DCAF6: variants seen among roughly 807,000 people sequenced by gnomAD.
The protein encoded by DCAF6 is DDB1 and CUL4 associated factor 6.
In DCAF6, 54 loss-of-function variants were observed where a neutral mutation model predicts 125.1. The observed-to-expected ratio is 0.43, with a 90% CI of 0.35 to 0.54. The LOEUF is 0.54. Ranked by LOEUF, DCAF6 falls within the 20% of genes least tolerant of loss-of-function variation. The pLI is 0.01. For missense variants in DCAF6, 934 were observed against 1,161.7 expected, an observed-to-expected ratio of 0.80 and a Z score of 2.85; for synonymous variants, 371 against 390.4, an observed-to-expected ratio of 0.95 and a Z score of 0.58.
chr1:167,911,048 C>A, the DCAF6 span, among the ~76,000 whole-genome samples: 1 of 152,206 alleles, frequency 6.6e-6, no homozygotes, highest in African/African-American at 2.4e-5. Context: ...GTTGTTAACA[C>A]TGGATGGAAA....
the DCAF6 span, chr1:167,883,454 CTT>C: frequency 1.2e-6 from 2 of 1,614,212 alleles, no homozygotes; most frequent in South Asian, 1.1e-5. Flanking sequence ...AACATGAAGA[CTT>C]TATTGATTTG....
At chr1:168,036,477 A>C (rs1379629584) in intron 12 of DCAF6, among the ~76,000 whole-genome samples, 1 of 152,220 alleles carries the variant, frequency 6.6e-6, no homozygotes, top group East Asian at 1.9e-4. Context: ...AAATGAAAAA[A>C]CTAGCCCGAA....
intron 17 of DCAF6, chr1:168,055,836 C>A (rs1347025294): frequency 4.5e-6 from 5 of 1,102,830 alleles, no homozygotes; most frequent in Admixed American, 1.7e-5. Context: ...TTCTATCCAC[C>A]ACTAATTTAA....
chr1:167,897,840 C>A, the DCAF6 span, among the ~76,000 whole-genome samples: 9 of 21,748 alleles, frequency 4.1e-4, no homozygotes, highest in East Asian at 6.0e-3. Flanking sequence ...ACTAAAAATA[C>A]AAAAAATTAG....
chr1:167,939,083 G>T (rs1316073330), intron 1 of DCAF6, among the ~76,000 whole-genome samples: 2 of 152,074 alleles, frequency 1.3e-5, no homozygotes, highest in African/African-American at 4.8e-5. Context: ...CTTTTTGAAA[G>T]TATCGAAACT....
At chr1:167,916,270 G>A in the DCAF6 span, among the ~76,000 whole-genome samples, 3 of 152,158 alleles carry the variant, frequency 2.0e-5, no homozygotes, top group African/African-American at 4.8e-5. Flanking sequence ...GCAAAGGCGC[G>A]ATCTCAGCTC....
At chr1:167,894,083 G>C in the DCAF6 span, 5 of 685,932 alleles carry the variant, frequency 7.3e-6, no homozygotes, top group East Asian at 1.1e-4. Context: ...GGGACACCTA[G>C]GGGCTGAAAG....
chr1:167,939,292 G>A (rs549856743), intron 1 of DCAF6, among the ~76,000 whole-genome samples: 1 of 151,838 alleles, frequency 6.6e-6, no homozygotes, highest in Non-Finnish European at 1.5e-5. Flanking sequence ...GGGTATAATT[G>A]ACAATTAAAA....
intron 10 of DCAF6, among the ~76,000 whole-genome samples, chr1:168,007,347 C>T (rs1453518038): frequency 6.6e-6 from 1 of 152,038 alleles, no homozygotes; most frequent in Non-Finnish European, 1.5e-5. Flanking sequence ...AAAATTTTCT[C>T]TTAATTATCT....
chr1:167,966,495 A>C, intron 2 of DCAF6, 134 bp from the exon 3 acceptor site: 1 of 608,708 alleles, frequency 1.6e-6, no homozygotes, highest in East Asian at 3.1e-5. Flanking sequence ...ATAAGATTGG[A>C]CACCCCTATG....
Position 167,975,021 on chromosome 1 carries a change from GTAT to G in DCAF6, c.438+13_438+15del, listed in dbSNP as rs760814000. On this transcript the variant is annotated splice_region_variant and intron_variant, in intron 4 of 21. Coordinates refer to ENST00000367840, the MANE Select transcript of DCAF6 (RefSeq NM_001198956.2). ...ATTATGGAACTACTTATGAGGTATG[GTAT>G]TATTATGATTATATGATATATATGT... 53 of 1,549,108 alleles carry G rather than the reference GTAT, an allele frequency of 3.4e-5. No homozygotes were observed. In the Middle Eastern group the frequency reaches 1.4e-3, roughly 40 times the overall value.
At chr1:167,879,071 G>A in the DCAF6 span, among the ~76,000 whole-genome samples, 1 of 152,192 alleles carries the variant, frequency 6.6e-6, no homozygotes, top group Non-Finnish European at 1.5e-5. Context: ...TTCATTTGGC[G>A]ATTTCTCGAT....
At chr1:168,034,861 TCTGA>T (rs376777392) in intron 12 of DCAF6, among the ~76,000 whole-genome samples, 53 of 152,324 alleles carry the variant, frequency 3.5e-4, no homozygotes, top group African/African-American at 1.1e-3. Flanking sequence ...TGATCCAACC[TCTGA>T]CAGAGAAGTT....
At chr1:167,934,620 G>C (rs1031821904), upstream of DCAF6, among the ~76,000 whole-genome samples, 2 of 152,212 alleles carry the variant, frequency 1.3e-5, no homozygotes, top group African/African-American at 2.4e-5. Flanking sequence ...ATCAGATTTA[G>C]TAACCAGTTC....
In DCAF6 at chr1:167,956,348, A is replaced by G. The variant is rs1276183161; in HGVS notation, c.159+4487A>G. On this transcript the variant is annotated intron_variant, in intron 2 of 21. Transcript: ENST00000367840. ...TATGTAAATTATTGAATTTATTGAC[A>G]TAAAATTGTTCATAATATTCCCTTA... 3.9e-5 allele frequency among the ~76,000 whole-genome samples: 6 copies of G among 152,198 alleles called. No individual in the cohort carries two copies. In the South Asian group the frequency reaches 8.3e-4, roughly 21 times the overall value.
chr1:167,873,000 G>A, the DCAF6 span, among the ~76,000 whole-genome samples: 4 of 151,786 alleles, frequency 2.6e-5, no homozygotes, highest in Non-Finnish European at 4.4e-5. Flanking sequence ...AACCCGGGAC[G>A]CAGAGGTTGT....
intron 2 of DCAF6, among the ~76,000 whole-genome samples, chr1:167,962,663 CTT>C (rs1374127039): frequency 1.3e-5 from 2 of 151,974 alleles, no homozygotes; most frequent in Non-Finnish European, 2.9e-5. Flanking sequence ...CAGTCTCTGT[CTT>C]AATTTTTAGG....
At chr1:167,894,039 G>A in the DCAF6 span, 1 of 813,942 alleles carries the variant, frequency 1.2e-6, no homozygotes, top group Non-Finnish European at 2.1e-6. Flanking sequence ...TTGGGCAGTG[G>A]GCCTTCTTGT....
intron 12 of DCAF6, among the ~76,000 whole-genome samples, chr1:168,035,451 CAAAAA>C (rs1334825840): frequency 2.6e-5 from 4 of 152,030 alleles, no homozygotes; most frequent in Non-Finnish European, 5.9e-5. Context: ...TGTCTCAAAA[CAAAAA>C]CAAAAACAAA....
Sources: gnomAD v4.1 joint callset for allele counts (sites outside exome capture counted in the v4.1 genomes callset) on GRCh38, gnomAD v4.1.1 for gene constraint, MANE v1.5 for transcripts, NCBI Gene and HGNC (gene_info 2026-07-23, HGNC 2026-07-21) for gene names.